Variants in SMYD3 observed in about 807,000 individuals in gnomAD.
The protein encoded by SMYD3 is SET and MYND domain containing 3.
Under a neutral mutation model 57.7 loss-of-function variants are expected in SMYD3, and 36 were observed. That is an observed-to-expected ratio of 0.62 (90% CI 0.48 to 0.82). The LOEUF (loss-of-function observed/expected upper bound fraction) is 0.82. SMYD3 is among the 40% of genes least tolerant of loss of function. SMYD3 has a pLI of 0.00. For synonymous variants in SMYD3, 211 were observed against 195.0 expected, an observed-to-expected ratio of 1.08 and a Z score of -0.68; for missense variants, 515 against 538.8, an observed-to-expected ratio of 0.96 and a Z score of 0.44.
Position 246,188,815 on chromosome 1 carries a change from G to A in SMYD3, c.531+138386C>T, listed in dbSNP as rs528774171. ...ATCGCTACTAAAAACACAAAAAAGA[G>A]CCAGGCATGGTGGTGCACATTTGTG... On this transcript the variant is annotated intron_variant, in intron 5 of 11. Transcript: ENST00000490107. Among the ~76,000 whole-genome samples the A allele has an allele frequency of 1.1e-3, 162 of 152,090 alleles. 1 individual carries two copies. Among genetic ancestry groups the A allele is most frequent in the African/African-American group, 3.7e-3 (152 of 41,500 alleles).
rs376118182 is a variant in SMYD3 at position 245,793,119 on chromosome 1, C to A, written c.1077-28970G>T. 7.2e-3 allele frequency among the ~76,000 whole-genome samples: 1,038 copies of A among 144,346 alleles called. 6 individuals are homozygous for A. The highest frequency in any genetic ancestry group is 0.014 in the South Asian group (61 of 4,438). The allele number at this position is 144,346 out of a possible 152,430, so 94.7% of individuals were successfully genotyped here. On this transcript the variant is annotated intron_variant, in intron 10 of 11. Transcript: ENST00000490107. ...AATCAGGAGATCAAGACCATCCTGG[C>A]TAACACGGTGAAACCCCGTCTCTAC...
At chr1:246,072,209 C>T (rs113935741) in intron 5 of SMYD3, among the ~76,000 whole-genome samples, 2 of 122,242 alleles carry the variant, frequency 1.6e-5, no homozygotes, top group African/African-American at 2.8e-5. Flanking sequence ...CATGTGCTTT[C>T]CACTGTGCTC....
intron 1 of SMYD3, among the ~76,000 whole-genome samples, chr1:246,496,826 A>G (rs1428139189): frequency 9.9e-5 from 15 of 152,180 alleles, no homozygotes; most frequent in Admixed American, 9.8e-4. Context: ...CTCTGTCTCA[A>G]ACAAACAAAC....
chr1:246,323,977 T>G (rs762671360), intron 5 of SMYD3, among the ~76,000 whole-genome samples: 1 of 152,314 alleles, frequency 6.6e-6, no homozygotes, highest in East Asian at 1.9e-4. Flanking sequence ...AACCAGCTGA[T>G]AGAAACATGA....
chr1:246,201,569 G>A (rs1001044118), intron 5 of SMYD3, among the ~76,000 whole-genome samples: 2 of 152,192 alleles, frequency 1.3e-5, no homozygotes, highest in Admixed American at 1.3e-4. Context: ...TCAGCAAAAT[G>A]AGGATGACAA....
intron 10 of SMYD3, among the ~76,000 whole-genome samples, chr1:245,815,919 C>T (rs2048779276): frequency 6.6e-6 from 1 of 152,202 alleles, no homozygotes; most frequent in Non-Finnish European, 1.5e-5. Context: ...CCTTCGGATT[C>T]ATCAAAGCTC....
intron 5 of SMYD3, among the ~76,000 whole-genome samples, chr1:246,051,325 T>G (rs1214457421): frequency 6.6e-6 from 1 of 152,044 alleles, no homozygotes; most frequent in Non-Finnish European, 1.5e-5. Flanking sequence ...TTCACCACAT[T>G]GCACAGGATG....
At position 245,777,118 on chromosome 1, in the gene SMYD3, G is replaced by A. The variant is rs371083825; in HGVS notation, c.1077-12969C>T. Among the ~76,000 whole-genome samples, 4 of 152,198 alleles carry A rather than the reference G, an allele frequency of 2.6e-5. No individual in the cohort carries two copies. In the East Asian group the frequency reaches 7.7e-4, roughly 29 times the overall value. On this transcript the variant is annotated intron_variant, in intron 10 of 11. Coordinates refer to ENST00000490107, the MANE Select transcript of SMYD3 (RefSeq NM_001167740.2). ...TGGACAACCATGAATAGGTCTGGGAGGTGGGGCTGCCTAGTTGTCTGCATC... is the reference window on the plus strand; with the variant it reads ...TGGACAACCATGAATAGGTCTGGGAAGTGGGGCTGCCTAGTTGTCTGCATC...
intron 10 of SMYD3, among the ~76,000 whole-genome samples, chr1:245,800,520 G>A (rs1270282299): frequency 6.6e-6 from 1 of 151,886 alleles, no homozygotes; most frequent in African/African-American, 2.4e-5. Flanking sequence ...ATGAACAAAT[G>A]GTATTAAGGA....
chr1:246,084,173 G>A lies in SMYD3; in HGVS notation c.532-154236C>T, dbSNP rs2060687901. Among the ~76,000 whole-genome samples the A allele has an allele frequency of 3.4e-5, 5 of 148,976 alleles. No homozygotes were observed. In the South Asian group the frequency reaches 1.1e-3, roughly 32 times the overall value. On this transcript the variant is annotated intron_variant, in intron 5 of 11. Coordinates refer to ENST00000490107, the MANE Select transcript of SMYD3 (RefSeq NM_001167740.2). ...AGACAACAGTTTTATTGCCCTGTAA[G>A]ACATTAACCAACTGACAATTCCTTT...
chr1:245,848,476 G>C (rs930874477), intron 10 of SMYD3, among the ~76,000 whole-genome samples: 1 of 151,964 alleles, frequency 6.6e-6, no homozygotes, highest in African/African-American at 2.4e-5. Context: ...GGAGCATGTG[G>C]TGGTTCCCTG....
chr1:246,297,441 G>A (rs1315229530), intron 5 of SMYD3, among the ~76,000 whole-genome samples: 1 of 152,054 alleles, frequency 6.6e-6, no homozygotes, highest in East Asian at 1.9e-4. Flanking sequence ...GCCTACAATG[G>A]GTTAATGAGT....
intron 1 of SMYD3, among the ~76,000 whole-genome samples, chr1:246,363,475 G>T (rs199861443): frequency 0.017 from 2,556 of 152,266 alleles, 66 homozygotes; most frequent in East Asian, 0.086. Flanking sequence ...TTGTGGAATA[G>T]AAAAGGGGGA....
chr1:246,296,953 C>T (rs952049228), intron 5 of SMYD3, among the ~76,000 whole-genome samples: 4 of 151,962 alleles, frequency 2.6e-5, no homozygotes, highest in Non-Finnish European at 5.9e-5. Flanking sequence ...AGCTAACAAT[C>T]GATGAATACA....
intron 2 of SMYD3, among the ~76,000 whole-genome samples, chr1:246,339,322 T>C (rs1297957513): frequency 6.6e-6 from 1 of 152,210 alleles, no homozygotes; most frequent in Non-Finnish European, 1.5e-5. Flanking sequence ...TCAGCATTTA[T>C]ATACTAAAAT....
At chr1:246,371,503 G>GA (rs1310340407) in intron 1 of SMYD3, among the ~76,000 whole-genome samples, 10 of 151,892 alleles carry the variant, frequency 6.6e-5, no homozygotes, top group African/African-American at 2.2e-4. Context: ...TGAGGAAGAA[G>GA]AAAAAAATCT....
intron 8 of SMYD3, among the ~76,000 whole-genome samples, chr1:245,913,954 CA>C (rs1305682123): frequency 2.0e-5 from 3 of 151,442 alleles, no homozygotes; most frequent in African/African-American, 7.3e-5. Context: ...TCAAAAAGAC[CA>C]AAAAAAATAA....
intron 5 of SMYD3, among the ~76,000 whole-genome samples, chr1:246,239,006 T>C (rs1329084993): frequency 6.6e-6 from 1 of 151,728 alleles, no homozygotes; most frequent in East Asian, 1.9e-4. Context: ...TTTCGGTGGA[T>C]AGTCACGACA....
At chr1:246,481,786 G>T (rs567145695) in intron 1 of SMYD3, among the ~76,000 whole-genome samples, 134 of 121,052 alleles carry the variant, frequency 1.1e-3, no homozygotes, top group Non-Finnish European at 1.6e-3. Context: ...TATATATATA[G>T]AGAGAGAGAG....
Sources: gnomAD v4.1 joint callset for allele counts (sites outside exome capture counted in the v4.1 genomes callset) on GRCh38, gnomAD v4.1.1 for gene constraint, MANE v1.5 for transcripts, NCBI Gene and HGNC (gene_info 2026-07-23, HGNC 2026-07-21) for gene names.